Variants in ABI3BP observed in about 807,000 individuals in gnomAD.
ABI3BP encodes ABI family member 3 binding protein, also known as target of Nesh-SH3.
A neutral mutation model predicts 268.6 loss-of-function variants in ABI3BP; 216 were observed. The observed-to-expected ratio is 0.80, with a 90% CI of 0.72 to 0.90. The LOEUF is 0.90. Ranked by LOEUF, ABI3BP falls within the 40% of genes least tolerant of loss-of-function variation. The probability of loss-of-function intolerance (pLI) is 0.00; values close to 1 mark genes in which losing one functional copy is unlikely to be tolerated. For missense variants in ABI3BP, 2,090 were observed against 2,182.4 expected, an observed-to-expected ratio of 0.96 and a Z score of 0.84; for synonymous variants, 730 against 730.0, an observed-to-expected ratio of 1.00 and a Z score of 0.00.
intron 55 of ABI3BP, among the ~76,000 whole-genome samples, chr3:100,790,968 CTTCAT>C (rs755338590): frequency 6.6e-6 from 1 of 151,756 alleles, no homozygotes; most frequent in Non-Finnish European, 1.5e-5. Flanking sequence ...TCTCCATAGT[CTTCAT>C]TTAAGTCTAG....
chr3:100,980,983 T>C (rs7647099), intron 1 of ABI3BP, among the ~76,000 whole-genome samples: 24,321 of 152,202 alleles, frequency 0.16, 2,062 homozygotes, highest in Middle Eastern at 0.23. Flanking sequence ...AACACTATAA[T>C]GTCTGACTGC....
chr3:100,810,323 G>T, intron 49 of ABI3BP, 89 bp downstream of exon 49: 1 of 1,127,992 alleles, frequency 8.9e-7, no homozygotes, highest in Non-Finnish European at 1.3e-6. Flanking sequence ...GCAGAATGAT[G>T]AAGTCAGGGC....
At chr3:100,809,100 G>T (rs2097784486) in intron 49 of ABI3BP, among the ~76,000 whole-genome samples, 1 of 151,948 alleles carries the variant, frequency 6.6e-6, no homozygotes, top group African/African-American at 2.4e-5. Context: ...AAAATACAAG[G>T]TATACAATGG....
At chr3:100,787,207 A>G (rs568275540) in intron 57 of ABI3BP, among the ~76,000 whole-genome samples, 1 of 152,262 alleles carries the variant, frequency 6.6e-6, no homozygotes, top group African/African-American at 2.4e-5. Flanking sequence ...GAGCTATGTT[A>G]TTTAAGATGA....
intron 1 of ABI3BP, among the ~76,000 whole-genome samples, chr3:100,980,462 T>C (rs1466693804): frequency 1.3e-5 from 2 of 152,136 alleles, no homozygotes; most frequent in Admixed American, 6.5e-5. Flanking sequence ...GAAATACACA[T>C]TTTTTTCCAG....
chr3:100,755,558 A>AC (rs1317896551), intron 63 of ABI3BP, among the ~76,000 whole-genome samples: 4 of 151,662 alleles, frequency 2.6e-5, no homozygotes, highest in African/African-American at 4.9e-5. Flanking sequence ...GTTAAACAAA[A>AC]CCCCCAAACA....
At chr3:100,923,171 AT>A (rs2060816691) in intron 2 of ABI3BP, among the ~76,000 whole-genome samples, 1 of 152,184 alleles carries the variant, frequency 6.6e-6, no homozygotes, top group Non-Finnish European at 1.5e-5. Flanking sequence ...GAGTTGTGGA[AT>A]CTTTATCCCT....
At chr3:100,987,635 T>C (rs181762887) in intron 1 of ABI3BP, among the ~76,000 whole-genome samples, 13 of 152,350 alleles carry the variant, frequency 8.5e-5, no homozygotes, top group African/African-American at 2.6e-4. Flanking sequence ...CTGGGCTTGA[T>C]GTGTTGACTA....
At chr3:100,783,307 C>T (rs548927182) in intron 57 of ABI3BP, among the ~76,000 whole-genome samples, 1 of 152,304 alleles carries the variant, frequency 6.6e-6, no homozygotes, top group African/African-American at 2.4e-5. Context: ...TATCGTGCAG[C>T]ACACTCATGT....
chr3:100,917,257 C>T (rs28729791), intron 2 of ABI3BP, among the ~76,000 whole-genome samples: 19,412 of 152,020 alleles, frequency 0.13, 1,429 homozygotes, highest in Middle Eastern at 0.19. Flanking sequence ...AACACACACA[C>T]GACAAAAACA....
intron 51 of ABI3BP, among the ~76,000 whole-genome samples, chr3:100,802,831 A>G (rs2097570487): frequency 8.8e-6 from 1 of 113,878 alleles, no homozygotes; most frequent in African/African-American, 2.6e-5. Context: ...GGATACTAAT[A>G]TACATTAAAC....
At chr3:100,851,352 G>C (rs1421914654) in intron 15 of ABI3BP, among the ~76,000 whole-genome samples, 2 of 152,152 alleles carry the variant, frequency 1.3e-5, no homozygotes, top group Non-Finnish European at 2.9e-5. Flanking sequence ...TCTCACGTTA[G>C]CACTATTGAC....
intron 2 of ABI3BP, among the ~76,000 whole-genome samples, chr3:100,903,074 A>G (rs536755116): frequency 1.3e-5 from 2 of 152,320 alleles, no homozygotes; most frequent in East Asian, 1.9e-4. Context: ...GAAAAATTCT[A>G]CTTGCACAAG....
At chr3:100,807,170 C>G (rs2097733113) in intron 50 of ABI3BP, among the ~76,000 whole-genome samples, 1 of 151,970 alleles carries the variant, frequency 6.6e-6, no homozygotes, top group East Asian at 1.9e-4. Flanking sequence ...ATAATTTTGT[C>G]TGCTATTTTT....
chr3:100,889,758 C>A (rs1209590200), intron 4 of ABI3BP, among the ~76,000 whole-genome samples: 1 of 152,102 alleles, frequency 6.6e-6, no homozygotes, highest in Non-Finnish European at 1.5e-5. Context: ...CTTGGGCCAC[C>A]TGAATAGTCT....
At chr3:100,797,983 C>G (rs2152274688) in intron 51 of ABI3BP, among the ~76,000 whole-genome samples, 1 of 152,130 alleles carries the variant, frequency 6.6e-6, no homozygotes, top group Admixed American at 6.6e-5. Context: ...AAATGTTTAT[C>G]TTGAGGCTGA....
Position 100,812,505 on chromosome 3 carries a change from G to C in ABI3BP, c.3383C>G (p.Ser1128Trp). The change falls in exon 46 of 68, where the codon TCG becomes TGG. Residue 1128 changes from serine to tryptophan, a missense_variant. Ser to Trp is a radical substitution (Grantham distance 177). Coordinates refer to ENST00000471714, the MANE Select transcript of ABI3BP (RefSeq NM_001375547.2). ...TGGTGACTCAGTACTAAGTGTAACCGATTCCAGAACATCAGAAACTAGTAA... is the reference window on the plus strand; with the variant it reads ...TGGTGACTCAGTACTAAGTGTAACCCATTCCAGAACATCAGAAACTAGTAA... ...ESQPVSDVLE[S>W]VTLSTESPKE... 7.5e-7 allele frequency: 1 copy of C among 1,330,072 alleles called. No homozygotes were observed. Among genetic ancestry groups the C allele is most frequent in the African/African-American group, 1.5e-5 (1 of 66,432 alleles). The allele number at this position is 1,330,072 out of a possible 1,614,324, so 82.4% of individuals were successfully genotyped here.
At chr3:100,769,869 G>A (rs930705886) in intron 62 of ABI3BP, among the ~76,000 whole-genome samples, 3 of 152,166 alleles carry the variant, frequency 2.0e-5, no homozygotes, top group South Asian at 4.1e-4. Context: ...AAGATAAGCC[G>A]CTTACACTGG....
chr3:100,792,666 C>T (rs927739770), intron 55 of ABI3BP, 25 bp downstream of exon 55: 9 of 1,602,014 alleles, frequency 5.6e-6, no homozygotes, highest in Admixed American at 3.4e-5. Flanking sequence ...AAAAGTTATT[C>T]TCCAGAGGTA....
Sources: gnomAD v4.1 joint callset for allele counts (sites outside exome capture counted in the v4.1 genomes callset) on GRCh38, gnomAD v4.1.1 for gene constraint, MANE v1.5 for transcripts, NCBI Gene and HGNC (gene_info 2026-07-23, HGNC 2026-07-21) for gene names.